Variants in DSCAML1 observed in about 807,000 individuals in gnomAD.
DSCAML1 encodes the protein DS cell adhesion molecule like 1.
Under a neutral mutation model 200.5 loss-of-function variants are expected in DSCAML1, and 38 were observed. The observed-to-expected ratio is 0.19, with a 90% CI of 0.15 to 0.25. The LOEUF is 0.25. Ranked by LOEUF, DSCAML1 falls within the 10% of genes least tolerant of loss-of-function variation. The pLI, the probability that DSCAML1 is intolerant of heterozygous loss-of-function variation, is 1.00. For synonymous variants in DSCAML1, 1,215 were observed against 1,165.0 expected (o/e 1.04, Z -0.87); for missense variants, 2,223 against 2,858.8 (o/e 0.78, Z 5.07).
chr11:117,585,614 A>G (rs1591294703), intron 3 of DSCAML1, among the ~76,000 whole-genome samples: 1 of 152,206 alleles, frequency 6.6e-6, no homozygotes, highest in African/African-American at 2.4e-5. Flanking sequence ...AAATCAGAAC[A>G]GCACTGGTAT....
intron 3 of DSCAML1, among the ~76,000 whole-genome samples, chr11:117,741,118 T>C (rs978994048): frequency 6.6e-6 from 1 of 152,248 alleles, no homozygotes; most frequent in African/African-American, 2.4e-5. Context: ...ACAGAGATGG[T>C]CTCCACCAGA....
At chr11:117,447,243 G>C (rs1240277883) in intron 20 of DSCAML1, among the ~76,000 whole-genome samples, 1 of 152,184 alleles carries the variant, frequency 6.6e-6, no homozygotes, top group Non-Finnish European at 1.5e-5. Context: ...AGCTGAGATG[G>C]TGCCACTGCA....
At chr11:117,468,597 C>T (rs528646562) in intron 16 of DSCAML1, among the ~76,000 whole-genome samples, 2 of 152,268 alleles carry the variant, frequency 1.3e-5, no homozygotes, top group African/African-American at 4.8e-5. Context: ...CGGCCTCACC[C>T]CACTTTCTGA....
intron 32 of DSCAML1, 37 bp from the exon 33 acceptor site, chr11:117,428,840 A>G: frequency 6.5e-7 from 1 of 1,537,262 alleles, no homozygotes; most frequent in Non-Finnish European, 8.8e-7. Flanking sequence ...ACAGAGAGTC[A>G]TAGCCCTCTG....
intron 3 of DSCAML1, among the ~76,000 whole-genome samples, chr11:117,643,773 C>T (rs1033383392): frequency 3.9e-5 from 6 of 152,168 alleles, no homozygotes; most frequent in African/African-American, 1.4e-4. Flanking sequence ...CTTATACCGC[C>T]GTCATCACCA....
At chr11:117,523,969 C>T (rs888915276) in intron 5 of DSCAML1, among the ~76,000 whole-genome samples, 2 of 152,164 alleles carry the variant, frequency 1.3e-5, no homozygotes, top group African/African-American at 4.8e-5. Flanking sequence ...CTCTTGATGC[C>T]GGAGCTAGAA....
rs1298815592 is a variant in DSCAML1, at chr11:117,438,216, AT to A, written c.4244-134del. The A allele has an allele frequency of 9.6e-6, 8 of 833,352 alleles. 1 individual carries two copies. Among genetic ancestry groups the A allele is most frequent in the Middle Eastern group, 6.9e-4 (2 of 2,894 alleles). 51.6% of individuals were successfully genotyped at this position (833,352 alleles called of 1,614,324 possible). A position where few individuals can be genotyped will look rare whatever the true frequency, so the allele number is the denominator to read the frequency against. On this transcript the variant is annotated intron_variant, in intron 24 of 32. Coordinates refer to ENST00000651296, the MANE Select transcript of DSCAML1 (RefSeq NM_020693.4). ...CAGGCTTTTGGTCATTGGAACGGGC[AT>A]ATGCTCCTTAGAAGCAAAATTGGAA...
chr11:117,512,913 A>G (rs2049672293), intron 8 of DSCAML1, among the ~76,000 whole-genome samples: 2 of 152,072 alleles, frequency 1.3e-5, no homozygotes, highest in African/African-American at 4.8e-5. Flanking sequence ...ATCAGATTCA[A>G]TTCATTAGGA....
At chr11:117,676,404 C>T (rs1332369720) in intron 3 of DSCAML1, among the ~76,000 whole-genome samples, 1 of 152,206 alleles carries the variant, frequency 6.6e-6, no homozygotes, top group Non-Finnish European at 1.5e-5. Context: ...GCAAGTGGCT[C>T]TGGACACCTG....
rs576421499 is a variant in DSCAML1, at chr11:117,504,114, A to C, written c.2183-93T>G. ...TGGCCCTGACACCTCGCTCTTGCAG[A>C]TCTAGGGCCATTTTGTAGCAGAGCT... On this transcript the variant is annotated intron_variant, in intron 10 of 32. Coordinates refer to ENST00000651296, the MANE Select transcript of DSCAML1 (RefSeq NM_020693.4). This position sits in a 1 kb window ranked among gnomAD's most constrained non-coding sequence, Gnocchi z 5.0. 6.1e-4 allele frequency: 866 copies of C among 1,422,490 alleles called. 2 individuals carry two copies. The highest frequency in any genetic ancestry group is 8.1e-4 in the Non-Finnish European group (836 of 1,037,408). 88.1% of individuals were successfully genotyped at this position (1,422,490 alleles called of 1,614,324 possible).
intron 3 of DSCAML1, among the ~76,000 whole-genome samples, chr11:117,539,606 CAAAAAAAAA>C (rs35130897): frequency 1.7e-3 from 90 of 52,606 alleles, no homozygotes; most frequent in Non-Finnish European, 2.6e-3. Flanking sequence ...AAAACTCTGT[CAAAAAAAAA>C]AAAAAAAAAA....
chr11:117,668,890 C>T (rs2053038490), intron 3 of DSCAML1: 6 of 152,172 alleles, frequency 3.9e-5, no homozygotes. Context: ...CTCAGTTTCA[C>T]TGTAGTGATA....
intron 11 of DSCAML1, among the ~76,000 whole-genome samples, chr11:117,499,449 G>C (rs2049355061): frequency 1.3e-5 from 2 of 152,272 alleles, no homozygotes; most frequent in African/African-American, 2.4e-5. Context: ...GAGAAAGGAA[G>C]GGACAACTCA....
intron 8 of DSCAML1, among the ~76,000 whole-genome samples, chr11:117,509,192 T>TG (rs911582953): frequency 3.3e-5 from 5 of 151,968 alleles, no homozygotes; most frequent in African/African-American, 1.2e-4. Flanking sequence ...TGCCATCGGC[T>TG]GGGGGTGACT....
At chr11:117,775,632 C>T (rs529499825) in intron 3 of DSCAML1, among the ~76,000 whole-genome samples, 10 of 152,084 alleles carry the variant, frequency 6.6e-5, no homozygotes, top group Non-Finnish European at 1.0e-4. Context: ...GCTGTCAACA[C>T]GCCAGAGCAT....
At chr11:117,778,729 G>A (rs923779582) in intron 2 of DSCAML1, among the ~76,000 whole-genome samples, 1 of 152,208 alleles carries the variant, frequency 6.6e-6, no homozygotes, top group African/African-American at 2.4e-5. Flanking sequence ...CAATGAGGGG[G>A]AGGTGACAGG....
At chr11:117,553,240 T>C (rs1290067395) in intron 3 of DSCAML1, among the ~76,000 whole-genome samples, 2 of 152,198 alleles carry the variant, frequency 1.3e-5, no homozygotes, top group Non-Finnish European at 2.9e-5. Flanking sequence ...ATTTCTTGGA[T>C]ATGACACCAA....
rs540241811 is a variant in DSCAML1, at chr11:117,793,498, T to C, written c.46+3536A>G. Among the ~76,000 whole-genome samples the C allele has an allele frequency of 3.9e-5, 6 of 152,296 alleles. No homozygotes were observed. The South Asian group carries it at 1.0e-3, about 26-fold the overall frequency. On this transcript the variant is annotated intron_variant, in intron 1 of 32. Coordinates refer to ENST00000651296, the MANE Select transcript of DSCAML1 (RefSeq NM_020693.4). ...AAGCAAGTGGCAAGTGGCAAGGATG[T>C]GTCTTCTCTAAGACACAGAGAAGGT...
intron 3 of DSCAML1, among the ~76,000 whole-genome samples, chr11:117,676,991 C>G (rs2053227433): frequency 6.6e-6 from 1 of 152,050 alleles, no homozygotes; most frequent in Admixed American, 6.6e-5. Flanking sequence ...CCAGGAGGCC[C>G]GGAGACCCCT....
Sources: gnomAD v4.1 joint callset for allele counts (sites outside exome capture counted in the v4.1 genomes callset) on GRCh38, gnomAD v4.1.1 for gene constraint, Gnocchi (gnomAD v3.1) non-coding constraint, MANE v1.5 for transcripts, NCBI Gene and HGNC (gene_info 2026-07-23, HGNC 2026-07-21) for gene names.